MEIS2: variants seen among roughly 807,000 people sequenced by gnomAD.
MEIS2 encodes the protein homeobox protein Meis2.
Under a neutral mutation model 58.6 loss-of-function variants are expected in MEIS2, and 9 were observed. The ratio of observed to expected loss-of-function variants is 0.15; its 90% CI spans 0.09 to 0.27. MEIS2 has a LOEUF of 0.27. Ranked by LOEUF, MEIS2 falls within the 10% of genes least tolerant of loss-of-function variation. The probability of loss-of-function intolerance (pLI) is 1.00; values close to 1 mark genes in which losing one functional copy is unlikely to be tolerated. For synonymous variants in MEIS2, 221 were observed against 228.4 expected (o/e 0.97, Z 0.29); for missense variants, 427 against 635.0 (o/e 0.67, Z 3.52).
chr15:37,059,809 C>T (rs973322450), intron 7 of MEIS2, among the ~76,000 whole-genome samples: 5 of 152,072 alleles, frequency 3.3e-5, no homozygotes, highest in Admixed American at 3.3e-4. Context: ...GGTGTGGTGG[C>T]ACACACCTGT....
At chr15:36,949,019 G>A (rs2141384893) in intron 9 of MEIS2, among the ~76,000 whole-genome samples, 1 of 152,014 alleles carries the variant, frequency 6.6e-6, no homozygotes, top group South Asian at 2.1e-4. Flanking sequence ...CAGAAGCAAG[G>A]CAACTCAATT....
intron 9 of MEIS2, among the ~76,000 whole-genome samples, chr15:36,925,360 G>A (rs1595736854): frequency 6.6e-6 from 1 of 152,100 alleles, no homozygotes; most frequent in African/African-American, 2.4e-5. Context: ...AAGATGGAGG[G>A]GCGCACCCTG....
intron 7 of MEIS2, among the ~76,000 whole-genome samples, chr15:37,046,012 C>T (rs749802471): frequency 5.3e-5 from 8 of 152,352 alleles, no homozygotes; most frequent in African/African-American, 1.7e-4. Flanking sequence ...GGATTTTATG[C>T]TCCTTTCTCT....
chr15:36,947,435 T>C (rs2058606910), intron 9 of MEIS2, among the ~76,000 whole-genome samples: 1 of 152,040 alleles, frequency 6.6e-6, no homozygotes, highest in African/African-American at 2.4e-5. Flanking sequence ...GGTCTGTTTT[T>C]ATTGCTTATT....
At chr15:37,065,131 CCCTTTCAAAAG>C (rs1889743438) in intron 7 of MEIS2, among the ~76,000 whole-genome samples, 1 of 152,144 alleles carries the variant, frequency 6.6e-6, no homozygotes, top group South Asian at 2.1e-4. Flanking sequence ...TCAAAGTATG[CCCTTTCAAAAG>C]TGCATAATGT....
In MEIS2 at chr15:37,097,876, C is replaced by A. The variant is rs948933952; in HGVS notation, c.245+91G>T. The A allele has an allele frequency of 8.2e-6, 12 of 1,466,706 alleles. No homozygotes were observed. In the Admixed American group the frequency reaches 9.9e-5, roughly 12 times the overall value. 90.9% of individuals were successfully genotyped at this position (1,466,706 alleles called of 1,614,324 possible). The stretch of plus-strand genomic sequence containing the variant: ...CCCCCCACCATACAGAAGTAACTCC[C>A]CACTTAGTCGTCCACCTTCCCACCC... On this transcript the variant is annotated intron_variant, in intron 2 of 11. Coordinates refer to ENST00000561208, the MANE Select transcript of MEIS2 (RefSeq NM_170675.5).
In MEIS2 at chr15:37,020,324, C is replaced by T. The variant is rs555586063; in HGVS notation, c.900+16490G>A. On this transcript the variant is annotated intron_variant, in intron 8 of 11. Transcript: ENST00000561208. ...TACCCTCCCTGATCTAAAACCCAAC[C>T]AAAGAAGGAAAAGAAAGAGAGGAAA... 1.3e-4 allele frequency among the ~76,000 whole-genome samples: 20 copies of T among 152,122 alleles called. No homozygotes were observed. The East Asian group carries it at 3.7e-3, about 28-fold the overall frequency.
At chr15:37,098,877 G>C in intron 1 of MEIS2, 2 of 983,210 alleles carry the variant, frequency 2.0e-6, no homozygotes, top group Non-Finnish European at 2.4e-6. Flanking sequence ...CGGAGGGTGG[G>C]GGGGCGAATA....
intron 8 of MEIS2, among the ~76,000 whole-genome samples, chr15:36,996,295 C>T (rs756503053): frequency 6.6e-6 from 1 of 151,976 alleles, no homozygotes; most frequent in Non-Finnish European, 1.5e-5. Flanking sequence ...TTTTCAACAG[C>T]TCTAGGTGTT....
Position 36,965,044 on chromosome 15 carries a change from T to G in MEIS2, c.901-14644A>C, listed in dbSNP as rs551386795. 3.5e-3 allele frequency among the ~76,000 whole-genome samples: 534 copies of G among 152,334 alleles called. 1 individual carries two copies. Among genetic ancestry groups the G allele is most frequent in the African/African-American group, 0.012 (509 of 41,580 alleles). On this transcript the variant is annotated intron_variant, in intron 8 of 11. Coordinates refer to ENST00000561208, the MANE Select transcript of MEIS2 (RefSeq NM_170675.5). ...TAAAGAACCGAACGCAGGAAGCATTTGTGACTTATTACTTGTTTGTGATCC... is the reference window on the plus strand; with the variant it reads ...TAAAGAACCGAACGCAGGAAGCATTGGTGACTTATTACTTGTTTGTGATCC...
chr15:36,963,902 T>C (rs2059273507), intron 8 of MEIS2, among the ~76,000 whole-genome samples: 1 of 152,192 alleles, frequency 6.6e-6, no homozygotes, highest in Admixed American at 6.5e-5. Context: ...AAAGATGTTA[T>C]AGAAGAACCT....
chr15:37,071,248 A>C (rs1890666657), intron 7 of MEIS2, among the ~76,000 whole-genome samples: 1 of 152,152 alleles, frequency 6.6e-6, no homozygotes, highest in Non-Finnish European at 1.5e-5. Context: ...CAAGAATCTT[A>C]CAGTCAAGCA....
At chr15:36,955,928 A>C (rs1195736450) in intron 8 of MEIS2, among the ~76,000 whole-genome samples, 4 of 150,166 alleles carry the variant, frequency 2.7e-5, no homozygotes, top group African/African-American at 4.9e-5. Flanking sequence ...CTGTAATCTC[A>C]GCACTTTGGG....
intron 7 of MEIS2, among the ~76,000 whole-genome samples, chr15:37,060,183 C>T (rs970137037): frequency 6.6e-6 from 1 of 152,142 alleles, no homozygotes; most frequent in Admixed American, 6.5e-5. Context: ...TCAAGTGATT[C>T]TCCCATCTCA....
intron 7 of MEIS2, among the ~76,000 whole-genome samples, chr15:37,043,501 A>C (rs1451096002): frequency 6.6e-6 from 1 of 152,232 alleles, no homozygotes; most frequent in East Asian, 1.9e-4. Context: ...AATTTATGTA[A>C]ATTAAATTGT....
chr15:36,970,623 T>G (rs897141599), intron 8 of MEIS2, among the ~76,000 whole-genome samples: 2 of 152,198 alleles, frequency 1.3e-5, no homozygotes, highest in Non-Finnish European at 2.9e-5. Context: ...ACAAGGAAAG[T>G]GATTCCCCTC....
At chr15:36,960,050 A>T (rs952735910) in intron 8 of MEIS2, among the ~76,000 whole-genome samples, 1 of 152,142 alleles carries the variant, frequency 6.6e-6, no homozygotes, top group Non-Finnish European at 1.5e-5. Context: ...TCTGGGGCAA[A>T]TATTAAGGAA....
intron 8 of MEIS2, among the ~76,000 whole-genome samples, chr15:36,952,164 CAT>C (rs2058773774): frequency 6.6e-6 from 1 of 152,086 alleles, no homozygotes; most frequent in South Asian, 2.1e-4. Context: ...AAGGATTGCT[CAT>C]CACTGACGCC....
chr15:36,892,320 C>G lies in MEIS2; in HGVS notation c.1287G>C (p.Leu429Phe). ...TGGCTGGGTGGTGGGGATGGCTTGG[C>G]AAATATGAATGCATTGGGGGTCCAT... The part of the protein sequence containing the change: ...LRHGPPMHSY[L>F]PSHPHHPAMM... Residue 429 changes from leucine (L) to phenylalanine (F), a missense_variant, in exon 12 of 12, where the codon TTG becomes TTC. Transcript: ENST00000561208. 1 of 1,613,494 alleles carries G rather than the reference C, an allele frequency of 6.2e-7. No individual in the cohort carries two copies. The highest frequency in any genetic ancestry group is 8.5e-7 in the Non-Finnish European group (1 of 1,179,850).
Sources: gnomAD v4.1 joint callset for allele counts (sites outside exome capture counted in the v4.1 genomes callset) on GRCh38, gnomAD v4.1.1 for gene constraint, MANE v1.5 for transcripts, NCBI Gene and HGNC (gene_info 2026-07-23, HGNC 2026-07-21) for gene names.